AK8: variants seen among roughly 807,000 people sequenced by gnomAD.
AK8 encodes the protein ATP-AMP transphosphorylase 8.
In AK8, 44 loss-of-function variants were observed where a neutral mutation model predicts 54.6. The ratio of observed to expected loss-of-function variants is 0.81; its 90% CI spans 0.63 to 1.04. AK8 has a LOEUF of 1.04. AK8 is among the 50% of genes least tolerant of loss of function. AK8 has a pLI of 0.00. For missense variants in AK8, 555 were observed against 613.6 expected (o/e 0.90, Z 1.01); for synonymous variants, 239 against 245.6 (o/e 0.97, Z 0.25).
At chr9:132,878,846 T>A (rs1588256548), upstream of AK8, 3 of 887,136 alleles carry the variant, frequency 3.4e-6, 1 homozygote, top group Admixed American at 1.9e-4. The surrounding 1 kb of genome is among the most constrained non-coding windows in gnomAD (Gnocchi z 4.7). Flanking sequence ...GCACCGGCGG[T>A]AACAATCACG....
intron 4 of AK8, among the ~76,000 whole-genome samples, chr9:132,859,709 G>A (rs1301452090): frequency 6.6e-6 from 1 of 151,222 alleles, no homozygotes; most frequent in Non-Finnish European, 1.5e-5. Flanking sequence ...TGTTTATGAT[G>A]TTGAGTCAGA....
At chr9:132,864,373 G>A (rs966438814) in intron 3 of AK8, among the ~76,000 whole-genome samples, 4 of 152,132 alleles carry the variant, frequency 2.6e-5, no homozygotes, top group Admixed American at 6.5e-5. Context: ...GTGAACCTTC[G>A]TTCTTCCTGT....
At chr9:132,862,142 G>A (rs976300479) in intron 4 of AK8, among the ~76,000 whole-genome samples, 9 of 152,082 alleles carry the variant, frequency 5.9e-5, no homozygotes, top group Admixed American at 1.3e-4. Context: ...TTCCCAGCCC[G>A]AAAGGCTGGT....
chr9:132,738,574 C>T (rs893805147), intron 11 of AK8, among the ~76,000 whole-genome samples: 2 of 152,086 alleles, frequency 1.3e-5, no homozygotes, highest in African/African-American at 4.8e-5. Context: ...GTTTGCTGCT[C>T]TAATGAAACT....
At position 132,737,346 on chromosome 9, in the gene AK8, C is replaced by T. The variant is rs77631531; in HGVS notation, c.1122-9812G>A. ...TACACAAACTATAATGCAAATACTA[C>T]ATAAACTCTTTCAGAAAATAGAGGA... On this transcript the variant is annotated intron_variant, in intron 11 of 12. Transcript: ENST00000298545. Among the ~76,000 whole-genome samples, 72 of 152,302 alleles carry T rather than the reference C, an allele frequency of 4.7e-4. No homozygotes were observed. The East Asian group carries it at 8.5e-3, about 18-fold the overall frequency.
At chr9:132,824,603 G>C (rs929714554) in intron 8 of AK8, among the ~76,000 whole-genome samples, 1 of 152,200 alleles carries the variant, frequency 6.6e-6, no homozygotes, top group Non-Finnish European at 1.5e-5. Flanking sequence ...CAGCACAACC[G>C]CAAGGTATGA....
chr9:132,834,119 C>T (rs1842222215), intron 5 of AK8, among the ~76,000 whole-genome samples: 1 of 152,236 alleles, frequency 6.6e-6, no homozygotes, highest in South Asian at 2.1e-4. Flanking sequence ...AAATCAGTTT[C>T]GCTCAGTTCC....
intron 11 of AK8, chr9:132,769,790 C>T (rs1185311158): frequency 6.6e-6 from 1 of 152,192 alleles, no homozygotes; most frequent in Non-Finnish European, 1.5e-5. Flanking sequence ...CTCGTCCTCT[C>T]TGGTCATTAG....
At chr9:132,816,521 G>T (rs968143326) in intron 9 of AK8, among the ~76,000 whole-genome samples, 3 of 152,148 alleles carry the variant, frequency 2.0e-5, no homozygotes, top group African/African-American at 7.2e-5. Flanking sequence ...GAAATAACCT[G>T]CTTTAGGTCA....
chr9:132,749,976 C>A lies in AK8; in HGVS notation c.1122-22442G>T, dbSNP rs1837829572. Among the ~76,000 whole-genome samples, 6 of 150,596 alleles carry A rather than the reference C, an allele frequency of 4.0e-5. No individual in the cohort carries two copies. In the South Asian group the frequency reaches 1.0e-3, roughly 26 times the overall value. ...TCCTTACCTCGAGATACTGACAGCA[C>A]ACTCCTAGAGATACTGACAGCACAC... is the stretch of plus-strand genomic sequence containing the variant. On this transcript the variant is annotated intron_variant, in intron 11 of 12. Coordinates refer to ENST00000298545, the MANE Select transcript of AK8 (RefSeq NM_152572.3).
intron 11 of AK8, among the ~76,000 whole-genome samples, chr9:132,748,478 T>C (rs1837757837): frequency 1.3e-5 from 2 of 151,846 alleles, no homozygotes; most frequent in Admixed American, 6.6e-5. Context: ...GGTGAGGAAG[T>C]GTGAATAGCT....
chr9:132,814,814 G>T, intron 9 of AK8, 87 bp from the exon 10 acceptor site: 2 of 1,131,348 alleles, frequency 1.8e-6, no homozygotes, highest in Non-Finnish European at 1.3e-6. Context: ...GCTGCCTGCT[G>T]AGGGAAAAAA....
intron 11 of AK8, among the ~76,000 whole-genome samples, chr9:132,768,225 CCATT>C (rs931032257): frequency 9.2e-5 from 14 of 151,952 alleles, no homozygotes; most frequent in African/African-American, 3.1e-4. Context: ...TGAATATGTA[CCATT>C]ATTATCTACC....
At chr9:132,727,431 A>C (rs374821225) in intron 12 of AK8, 23 bp downstream of exon 12, 1 of 1,613,102 alleles carries the variant, frequency 6.2e-7, no homozygotes. Context: ...CAGACTGCCA[A>C]CCACCAGGAA....
At chr9:132,857,315 C>CAGGGGG (rs1843209584) in intron 4 of AK8, among the ~76,000 whole-genome samples, 4 of 152,184 alleles carry the variant, frequency 2.6e-5, no homozygotes, top group Admixed American at 2.0e-4. Context: ...GACGCGGACG[C>CAGGGGG]TGCTGGTCAG....
At chr9:132,729,958 G>A (rs771559784) in intron 11 of AK8, among the ~76,000 whole-genome samples, 2 of 152,148 alleles carry the variant, frequency 1.3e-5, no homozygotes, top group Non-Finnish European at 2.9e-5. Flanking sequence ...AAGATTGATC[G>A]AAAGATTAAA....
At chr9:132,792,508 G>A (rs1017080904) in intron 11 of AK8, 126 bp downstream of exon 11, 8 of 1,338,060 alleles carry the variant, frequency 6.0e-6, no homozygotes, top group Non-Finnish European at 7.9e-6. Flanking sequence ...GAATGGGGAT[G>A]ACCAGGAGAC....
chr9:132,735,811 C>G (rs929298075), intron 11 of AK8, among the ~76,000 whole-genome samples: 5 of 152,156 alleles, frequency 3.3e-5, no homozygotes, highest in Non-Finnish European at 7.3e-5. Context: ...GAAAACAACC[C>G]AACTGTTCAT....
intron 5 of AK8, among the ~76,000 whole-genome samples, chr9:132,836,065 G>T (rs551707051): frequency 6.6e-6 from 1 of 152,306 alleles, no homozygotes; most frequent in East Asian, 1.9e-4. Context: ...GGAGGTTGCG[G>T]TGAGCTGAGA....
Sources: gnomAD v4.1 joint callset for allele counts (sites outside exome capture counted in the v4.1 genomes callset) on GRCh38, gnomAD v4.1.1 for gene constraint, Gnocchi (gnomAD v3.1) non-coding constraint, MANE v1.5 for transcripts, NCBI Gene and HGNC (gene_info 2026-07-23, HGNC 2026-07-21) for gene names.